The following ADRA1B variants were observed in gnomAD, a reference collection of about 807,000 sequenced individuals.
The protein encoded by ADRA1B is adrenoceptor alpha 1B.
ADRA1B carries 17 observed loss-of-function variants against 17.9 expected under a neutral mutation model. The ratio of observed to expected loss-of-function variants is 0.95; its 90% CI spans 0.65 to 1.42. ADRA1B has a LOEUF of 1.42. Among genes scored for constraint, ADRA1B ranks in the 40% most tolerant of loss-of-function variants. The probability of loss-of-function intolerance (pLI) is 0.00; values close to 1 mark genes in which losing one functional copy is unlikely to be tolerated. For missense variants in ADRA1B, 681 were observed against 722.1 expected (o/e 0.94, Z 0.65); for synonymous variants, 366 against 327.6 (o/e 1.12, Z -1.27).
chr5:159,976,459 G>C (rs369603337), downstream of ADRA1B, among the ~76,000 whole-genome samples: 1 of 151,994 alleles, frequency 6.6e-6, no homozygotes, highest in South Asian at 2.1e-4. Context: ...TTTGAGGCCA[G>C]CAGTTGGAGA....
chr5:159,919,306 G>C (rs565834366), intron 1 of ADRA1B, among the ~76,000 whole-genome samples: 4 of 152,240 alleles, frequency 2.6e-5, no homozygotes, highest in African/African-American at 7.2e-5. Flanking sequence ...AAGGTCTCAG[G>C]GTTCTTTTGC....
chr5:159,929,702 C>A (rs1754749578), intron 1 of ADRA1B, among the ~76,000 whole-genome samples: 1 of 151,508 alleles, frequency 6.6e-6, no homozygotes, highest in South Asian at 2.1e-4. Context: ...TTTTAAAAAT[C>A]AACTAGTTTA....
intron 1 of ADRA1B, among the ~76,000 whole-genome samples, chr5:159,874,453 C>T (rs1753781399): frequency 6.6e-6 from 1 of 152,184 alleles, no homozygotes. Flanking sequence ...TGACCTTAAC[C>T]TTCTTAGGTG....
chr5:159,898,980 CA>C (rs1057425554), intron 1 of ADRA1B, among the ~76,000 whole-genome samples: 1 of 151,510 alleles, frequency 6.6e-6, no homozygotes, highest in African/African-American at 2.4e-5. Flanking sequence ...CCCATCTCTA[CA>C]AAAAAAAGTT....
chr5:159,965,729 C>T (rs1163285966), intron 1 of ADRA1B, among the ~76,000 whole-genome samples: 1 of 152,174 alleles, frequency 6.6e-6, no homozygotes, highest in African/African-American at 2.4e-5. Flanking sequence ...CGGTCCAGTC[C>T]CTGACCCACA....
chr5:159,978,640 T>C, the ADRA1B span, among the ~76,000 whole-genome samples: 3 of 152,294 alleles, frequency 2.0e-5, no homozygotes, highest in East Asian at 5.8e-4. Context: ...CGTTGCACAG[T>C]CCTCAGATAA....
intron 1 of ADRA1B, among the ~76,000 whole-genome samples, chr5:159,906,915 T>A (rs1340749360): frequency 2.6e-5 from 4 of 152,168 alleles, no homozygotes; most frequent in African/African-American, 9.7e-5. Flanking sequence ...TGGCATTCAC[T>A]CCCTTCCCTT....
At position 159,917,150 on chromosome 5, in the gene ADRA1B, A is replaced by G. The variant is rs768227684; in HGVS notation, c.245A>G (p.Tyr82Cys). Residue 82 changes from tyrosine to cysteine, a missense_variant, in exon 1 of 2, where the codon TAC (tyrosine) becomes TGC (cysteine). Around this residue, in one of 3 missense-constraint regions of ADRA1B, gnomAD observed 424 missense variants for 480.2 expected, o/e 0.88. Coordinates refer to ENST00000306675, the MANE Select transcript of ADRA1B (RefSeq NM_000679.4). The part of the protein sequence containing the change: ...CNRHLRTPTN[Y>C]FIVNLAMADL... ...CGGCACCTGCGGACGCCCACCAACT[A>G]CTTCATTGTCAACCTGGCCATGGCC... is the stretch of plus-strand genomic sequence containing the variant. 3.1e-6 allele frequency: 5 copies of G among 1,613,758 alleles called. No individual in the cohort carries two copies. Among genetic ancestry groups the G allele is most frequent in the African/African-American group, 1.3e-5 (1 of 74,834 alleles).
At position 159,880,150 on chromosome 5, in the gene ADRA1B, C is replaced by T. The variant is rs374214002; in HGVS notation, c.-256+14944C>T. On this transcript the variant is annotated intron_variant, in intron 1 of 2. Transcript: ENST00000641205. ...ATGAAGGCCCTTTTTGGGCACTACC[C>T]TATGCTAAGTAAGGTGAATAAGACA... Among the ~76,000 whole-genome samples the T allele has an allele frequency of 2.6e-5, 4 of 152,178 alleles. No individual in the cohort carries two copies. In the East Asian group the frequency reaches 7.7e-4, roughly 29 times the overall value.
At chr5:159,978,703 C>G in the ADRA1B span, among the ~76,000 whole-genome samples, 1 of 152,206 alleles carries the variant, frequency 6.6e-6, no homozygotes, top group Non-Finnish European at 1.5e-5. Context: ...AGCTTTGGCC[C>G]TTGCTCATGG....
intron 1 of ADRA1B, among the ~76,000 whole-genome samples, chr5:159,890,739 AC>A (rs1299529071): frequency 6.6e-6 from 1 of 152,238 alleles, no homozygotes. Flanking sequence ...CTGGGAATCC[AC>A]GTGGCATCAC....
In ADRA1B at chr5:159,917,358, G is replaced by A. The variant is rs142163774; in HGVS notation, c.453G>A (p.Leu151=). The A allele has an allele frequency of 1.4e-4, 222 of 1,614,016 alleles. No individual in the cohort carries two copies. The highest frequency in any genetic ancestry group is 1.8e-4 in the Non-Finnish European group (207 of 1,180,026). ...IDRYIGVRYS[L]QYPTLVTRRK... ...GCTACATCGGGGTGCGCTACTCTCT[G>A]CAGTATCCCACGCTGGTCACCCGGA... The change falls in exon 1 of 2, where the codon CTG becomes CTA. Residue 151 remains leucine (L), a synonymous_variant. Coordinates refer to ENST00000306675, the MANE Select transcript of ADRA1B (RefSeq NM_000679.4).
chr5:159,917,327 T>C lies in ADRA1B; in HGVS notation c.422T>C (p.Ile141Thr), dbSNP rs767611485. Residue 141 changes from isoleucine (I) to threonine (T), a missense_variant, in exon 1 of 2, where the codon ATC becomes ACC. This residue lies in a region of ADRA1B where 424 missense variants were observed against 480.2 expected (regional missense o/e 0.88). Coordinates refer to ENST00000306675, the MANE Select transcript of ADRA1B (RefSeq NM_000679.4). ...ASILSLCAIS[I>T]DRYIGVRYSL... ...ATTCTGAGCCTGTGCGCCATCTCCA[T>C]CGATCGCTACATCGGGGTGCGCTAC... 3.9e-5 allele frequency: 63 copies of C among 1,613,966 alleles called. No homozygotes were observed. Among genetic ancestry groups the C allele is most frequent in the Non-Finnish European group, 5.3e-5 (62 of 1,180,028 alleles).
At chr5:159,908,493 T>A (rs1465374494) in intron 1 of ADRA1B, among the ~76,000 whole-genome samples, 3 of 152,074 alleles carry the variant, frequency 2.0e-5, no homozygotes, top group Non-Finnish European at 4.4e-5. Context: ...CAAAAGAGCC[T>A]GGCACGTCCT....
chr5:159,984,163 T>C, the ADRA1B span, among the ~76,000 whole-genome samples: 3 of 152,140 alleles, frequency 2.0e-5, no homozygotes, highest in Non-Finnish European at 4.4e-5. Context: ...TTTCTAGGAC[T>C]CAGTCCTTAG....
intron 1 of ADRA1B, among the ~76,000 whole-genome samples, chr5:159,892,488 C>G (rs1233081488): frequency 1.3e-5 from 2 of 152,178 alleles, no homozygotes; most frequent in South Asian, 4.1e-4. Flanking sequence ...CCTTCTCCCC[C>G]TCAACACTCT....
chr5:159,961,855 A>T (rs1755668843), intron 1 of ADRA1B, among the ~76,000 whole-genome samples: 3 of 152,214 alleles, frequency 2.0e-5, no homozygotes, highest in Admixed American at 2.0e-4. Context: ...CAGATAAATG[A>T]TGCTTTAGGT....
intron 1 of ADRA1B, among the ~76,000 whole-genome samples, chr5:159,963,288 G>GTATATATATA (rs10522262): frequency 0.011 from 1,401 of 132,652 alleles, 52 homozygotes; most frequent in African/African-American, 0.032. Context: ...AACAAAAAAA[G>GTATATATATA]TATATATATA....
chr5:159,963,870 C>T (rs952037), intron 1 of ADRA1B, among the ~76,000 whole-genome samples: 53,488 of 152,078 alleles, frequency 0.35, 9,978 homozygotes, highest in African/African-American at 0.46. Context: ...GAGCCTTTGA[C>T]CCTTGCACTT....
Sources: gnomAD v4.1 joint callset for allele counts (sites outside exome capture counted in the v4.1 genomes callset) on GRCh38, gnomAD v4.1.1 for gene constraint, gnomAD v4.1.1 regional missense constraint, MANE v1.5 for transcripts, NCBI Gene and HGNC (gene_info 2026-07-23, HGNC 2026-07-21) for gene names.